MARCHF1: variants seen among roughly 807,000 people sequenced by gnomAD.
MARCHF1 encodes the protein membrane associated ring-CH-type finger 1.
MARCHF1 carries 40 observed loss-of-function variants against 54.2 expected under a neutral mutation model. The observed-to-expected ratio is 0.74, with a 90% CI of 0.57 to 0.96. The LOEUF (loss-of-function observed/expected upper bound fraction) is 0.96, where lower values mean the gene tolerates loss of function less well. Ranked by LOEUF, MARCHF1 falls within the 40% of genes least tolerant of loss-of-function variation. MARCHF1 has a pLI of 0.00. For synonymous variants in MARCHF1, 236 were observed against 236.3 expected, an observed-to-expected ratio of 1.00 and a Z score of 0.01; for missense variants, 586 against 656.5, an observed-to-expected ratio of 0.89 and a Z score of 1.17.
chr4:164,260,650 A>C (rs1214219700), intron 1 of MARCHF1, among the ~76,000 whole-genome samples: 3 of 152,226 alleles, frequency 2.0e-5, no homozygotes, highest in Non-Finnish European at 1.5e-5. Context: ...AATTTACTGG[A>C]GTACACAATT....
intron 1 of MARCHF1, among the ~76,000 whole-genome samples, chr4:164,149,186 C>T (rs1168629240): frequency 6.6e-6 from 1 of 152,176 alleles, no homozygotes; most frequent in Non-Finnish European, 1.5e-5. Flanking sequence ...GATGCCTCAT[C>T]AGAAGCTGAG....
chr4:163,726,005 C>A (rs915217825), intron 4 of MARCHF1, among the ~76,000 whole-genome samples: 3 of 151,840 alleles, frequency 2.0e-5, no homozygotes, highest in South Asian at 2.1e-4. Context: ...TCTTTTTAGT[C>A]TTTTTAGAAC....
At chr4:163,800,725 C>A (rs778203307) in intron 4 of MARCHF1, among the ~76,000 whole-genome samples, 1 of 152,036 alleles carries the variant, frequency 6.6e-6, no homozygotes, top group Non-Finnish European at 1.5e-5. Flanking sequence ...ACTTTTCAAA[C>A]TGATTGTTCA....
At chr4:164,207,564 G>T (rs1271063396) in intron 1 of MARCHF1, among the ~76,000 whole-genome samples, 1 of 152,238 alleles carries the variant, frequency 6.6e-6, no homozygotes, top group Non-Finnish European at 1.5e-5. Flanking sequence ...CTCACTGAAG[G>T]TTTGGAGTCT....
rs1053172685 is a variant in MARCHF1, at chr4:164,197,728, C to G, written c.-322-86066G>C. The G allele has an allele frequency of 5.6e-6, 9 of 1,611,326 alleles. 1 individual carries two copies. The highest frequency in any genetic ancestry group is 6.8e-6 in the Non-Finnish European group (8 of 1,178,262). ...CATCTCCATCTCTCGCGCTCTCTGT[C>G]TGCAGAGGCTCTCGTGCCAGCCGAA... is the stretch of plus-strand genomic sequence containing the variant. On this transcript the variant is annotated intron_variant, in intron 1 of 9. Transcript: ENST00000514618.
chr4:163,719,179 C>A (rs190700841), intron 4 of MARCHF1, among the ~76,000 whole-genome samples: 1 of 150,280 alleles, frequency 6.7e-6, no homozygotes, highest in Non-Finnish European at 1.5e-5. Context: ...TTCCCTCCCC[C>A]CTCCCCCAAC....
At chr4:163,628,508 C>T (rs1186434677) in intron 5 of MARCHF1, among the ~76,000 whole-genome samples, 1 of 152,222 alleles carries the variant, frequency 6.6e-6, no homozygotes, top group African/African-American at 2.4e-5. Context: ...TGCCCTTTCT[C>T]ACCACTCCTA....
At chr4:163,916,339 G>A (rs1293942151) in intron 3 of MARCHF1, among the ~76,000 whole-genome samples, 1 of 135,912 alleles carries the variant, frequency 7.4e-6, no homozygotes, top group African/African-American at 3.0e-5. Flanking sequence ...ATATAAGAGT[G>A]ATGAAAACTG....
chr4:163,978,454 T>C (rs1752691629), intron 3 of MARCHF1, among the ~76,000 whole-genome samples: 1 of 152,160 alleles, frequency 6.6e-6, no homozygotes, highest in Non-Finnish European at 1.5e-5. Flanking sequence ...TCTTAGAACC[T>C]TGGAGATATT....
intron 5 of MARCHF1, among the ~76,000 whole-genome samples, chr4:163,665,571 G>A (rs758267834): frequency 9.9e-5 from 15 of 152,152 alleles, no homozygotes; most frequent in Non-Finnish European, 1.5e-4. Flanking sequence ...TTCGTGTGAA[G>A]ATATTGATGG....
At chr4:163,568,214 TTAAC>T (rs1163976696) in intron 8 of MARCHF1, among the ~76,000 whole-genome samples, 1 of 152,182 alleles carries the variant, frequency 6.6e-6, no homozygotes, top group East Asian at 1.9e-4. Flanking sequence ...ATTAAATAAA[TTAAC>T]TGTTACTCTA....
intron 1 of MARCHF1, among the ~76,000 whole-genome samples, chr4:164,276,922 A>G (rs1272842186): frequency 1.4e-5 from 2 of 141,404 alleles, no homozygotes; most frequent in Non-Finnish European, 3.1e-5. Flanking sequence ...GATTAGGGAA[A>G]TGTCTCATAT....
At chr4:163,763,946 T>C (rs1249128153) in intron 4 of MARCHF1, among the ~76,000 whole-genome samples, 1 of 152,088 alleles carries the variant, frequency 6.6e-6, no homozygotes, top group African/African-American at 2.4e-5. Context: ...AAAACACCCA[T>C]TTTCCCATAT....
intron 3 of MARCHF1, among the ~76,000 whole-genome samples, chr4:163,940,760 A>C (rs1203453670): frequency 1.3e-5 from 2 of 152,200 alleles, no homozygotes; most frequent in East Asian, 1.9e-4. Flanking sequence ...AAAAGGACAC[A>C]GTATATATCC....
intron 2 of MARCHF1, among the ~76,000 whole-genome samples, chr4:164,064,949 C>T (rs574863475): frequency 9.9e-5 from 15 of 152,196 alleles, no homozygotes; most frequent in African/African-American, 2.2e-4. Context: ...TGATGAATTA[C>T]GTTTATTGAT....
chr4:164,207,503 G>A (rs1179287494), intron 1 of MARCHF1, among the ~76,000 whole-genome samples: 1 of 152,136 alleles, frequency 6.6e-6, no homozygotes, highest in Non-Finnish European at 1.5e-5. Flanking sequence ...TATTTTATTA[G>A]GAAAACATTA....
At chr4:164,281,012 A>C (rs1218938021) in intron 1 of MARCHF1, among the ~76,000 whole-genome samples, 1 of 152,186 alleles carries the variant, frequency 6.6e-6, no homozygotes, top group Non-Finnish European at 1.5e-5. Context: ...TCCATAAAAT[A>C]TGGAAAAAAT....
At chr4:163,948,092 T>C (rs1266100962) in intron 3 of MARCHF1, among the ~76,000 whole-genome samples, 2 of 152,202 alleles carry the variant, frequency 1.3e-5, no homozygotes, top group Admixed American at 1.3e-4. Flanking sequence ...CATTGTGTCT[T>C]CTACTATAGC....
intron 4 of MARCHF1, among the ~76,000 whole-genome samples, chr4:163,759,601 C>T (rs1387408632): frequency 3.3e-5 from 5 of 152,046 alleles, no homozygotes. Context: ...TGTCACCATT[C>T]GATTTAATCT....
Sources: allele counts gnomAD v4.1 joint callset (sites outside exome capture counted in the v4.1 genomes callset), GRCh38; gene constraint gnomAD v4.1.1; transcripts MANE v1.5; gene names NCBI Gene and HGNC (gene_info 2026-07-23, HGNC 2026-07-21).